The following AKAP9 variants were observed in gnomAD, a reference collection of about 807,000 sequenced individuals.
AKAP9 encodes the protein A-kinase anchor protein 9.
AKAP9 carries 311 observed loss-of-function variants against 488.5 expected under a neutral mutation model. The ratio of observed to expected loss-of-function variants is 0.64; its 90% CI spans 0.58 to 0.70. AKAP9 has a LOEUF of 0.70. Ranked by LOEUF, AKAP9 falls within the 30% of genes least tolerant of loss-of-function variation. The pLI is 0.00. For synonymous variants in AKAP9, 1,462 were observed against 1,483.5 expected, an observed-to-expected ratio of 0.99 and a Z score of 0.33; for missense variants, 4,215 against 4,374.5, an observed-to-expected ratio of 0.96 and a Z score of 1.03.
intron 3 of AKAP9, among the ~76,000 whole-genome samples, chr7:91,987,024 A>G (rs1797184389): frequency 6.6e-6 from 1 of 152,128 alleles, no homozygotes; most frequent in Non-Finnish European, 1.5e-5. Context: ...ATATCTTGTG[A>G]TGATACAGTT....
intron 14 of AKAP9, among the ~76,000 whole-genome samples, chr7:92,025,671 A>T (rs1296733073): frequency 6.6e-6 from 1 of 152,166 alleles, no homozygotes; most frequent in Non-Finnish European, 1.5e-5. Context: ...TCTGCATTTG[A>T]CCCTGATTTG....
intron 8 of AKAP9, among the ~76,000 whole-genome samples, chr7:92,003,689 T>C (rs1291656917): frequency 6.6e-6 from 1 of 152,114 alleles, no homozygotes; most frequent in Non-Finnish European, 1.5e-5. Context: ...TAGGTGGTTA[T>C]GAAATTATAT....
intron 29 of AKAP9, among the ~76,000 whole-genome samples, chr7:92,077,235 G>A (rs1423004374): frequency 6.6e-6 from 1 of 151,370 alleles, no homozygotes; most frequent in Non-Finnish European, 1.5e-5. Flanking sequence ...TGGGACTATA[G>A]GCACGTACCA....
At chr7:91,972,719 G>C (rs891858127) in intron 1 of AKAP9, among the ~76,000 whole-genome samples, 1 of 152,192 alleles carries the variant, frequency 6.6e-6, no homozygotes, top group Admixed American at 6.5e-5. Context: ...AGCAATTGCA[G>C]TTTTTGTACC....
chr7:92,030,602 A>C (rs1450711458), intron 15 of AKAP9, among the ~76,000 whole-genome samples: 1 of 148,468 alleles, frequency 6.7e-6, no homozygotes, highest in African/African-American at 2.5e-5. Context: ...CGATTGCACC[A>C]CTGCACTCCA....
At chr7:92,019,870 TG>T (rs1802077947) in intron 12 of AKAP9, among the ~76,000 whole-genome samples, 1 of 151,604 alleles carries the variant, frequency 6.6e-6, no homozygotes, top group Non-Finnish European at 1.5e-5. Flanking sequence ...AAAAATTAGC[TG>T]GGTGTGGTGA....
rs578172304 is a variant in AKAP9, at chr7:91,983,767, G to A, written c.351+3434G>A. Among the ~76,000 whole-genome samples the A allele has an allele frequency of 7.1e-4, 108 of 152,300 alleles. No individual in the cohort carries two copies. The Middle Eastern group carries it at 0.014, about 19-fold the overall frequency. Reference sequence around the variant, plus strand: ...ACACTCCCACAAACAGTGTAAAACCGTTCTTATTTCTCCACATCCTCTCCA... The same window carrying A: ...ACACTCCCACAAACAGTGTAAAACCATTCTTATTTCTCCACATCCTCTCCA... On this transcript the variant is annotated intron_variant, in intron 3 of 49. Transcript: ENST00000356239.
intron 10 of AKAP9, 74 bp from the exon 11 acceptor site, chr7:92,016,055 A>T (rs1584130661): frequency 7.7e-7 from 1 of 1,290,696 alleles, no homozygotes; most frequent in African/African-American, 1.5e-5. Context: ...TGCATCTAGG[A>T]GAATTATGTT....
intron 24 of AKAP9, chr7:92,063,611 G>A (rs1810271418): frequency 2.4e-6 from 1 of 421,850 alleles, no homozygotes; most frequent in South Asian, 9.8e-5. Flanking sequence ...CAGTGTTGCT[G>A]TTGTTCCATA....
At chr7:91,964,912 T>A (rs1794235212) in intron 1 of AKAP9, among the ~76,000 whole-genome samples, 1 of 152,182 alleles carries the variant, frequency 6.6e-6, no homozygotes, top group African/African-American at 2.4e-5. Flanking sequence ...AAATTTTTAT[T>A]GTTATGTAAT....
chr7:92,081,573 C>T (rs577042621), intron 31 of AKAP9, among the ~76,000 whole-genome samples: 1 of 149,884 alleles, frequency 6.7e-6, no homozygotes, highest in Non-Finnish European at 1.5e-5. Context: ...TCAAGTGATC[C>T]GCCTGCCTTG....
intron 40 of AKAP9, 77 bp from the exon 41 acceptor site, chr7:92,096,612 C>G (rs1816621545): frequency 6.4e-7 from 1 of 1,563,320 alleles, no homozygotes; most frequent in Non-Finnish European, 8.7e-7. Flanking sequence ...GCTGGGATTA[C>G]AGGCGTGAGC....
At chr7:91,999,128 T>G (rs1584024399) in intron 7 of AKAP9, among the ~76,000 whole-genome samples, 2 of 152,214 alleles carry the variant, frequency 1.3e-5, no homozygotes, top group East Asian at 3.8e-4. Flanking sequence ...AATCTGGCCT[T>G]CGACTTGTAG....
At chr7:91,971,480 A>T (rs1795063423) in intron 1 of AKAP9, among the ~76,000 whole-genome samples, 1 of 150,196 alleles carries the variant, frequency 6.7e-6, no homozygotes, top group Non-Finnish European at 1.5e-5. Context: ...TCACTGATTC[A>T]CTGGTTCTTT....
chr7:92,058,104 A>G (rs968767733), intron 22 of AKAP9: 2 of 523,688 alleles, frequency 3.8e-6, no homozygotes, highest in African/African-American at 3.9e-5. Flanking sequence ...AACTAAAAAG[A>G]ACTTTTTAAT....
chr7:91,967,971 C>T (rs1336147169), intron 1 of AKAP9, among the ~76,000 whole-genome samples: 9 of 152,020 alleles, frequency 5.9e-5, no homozygotes, highest in Non-Finnish European at 8.8e-5. Context: ...GATTGGGTCT[C>T]CTGTTGCCTA....
intron 7 of AKAP9, among the ~76,000 whole-genome samples, chr7:91,997,681 T>A (rs1162511182): frequency 6.6e-6 from 1 of 152,208 alleles, no homozygotes; most frequent in Non-Finnish European, 1.5e-5. Flanking sequence ...AGTGGGAGGA[T>A]AATCTAGGAC....
intron 20 of AKAP9, chr7:92,043,472 G>A (rs964119069): frequency 5.2e-6 from 2 of 383,020 alleles, no homozygotes; most frequent in Non-Finnish European, 7.1e-6. Context: ...AAACTATGCA[G>A]TATTTAATTT....
Position 92,012,423 on chromosome 7 carries a change from T to C in AKAP9, c.3319-6T>C. 6.2e-7 allele frequency: 1 copy of C among 1,610,092 alleles called. No individual in the cohort carries two copies. ...TATTATAATGTTTACATATGTTTAC[T>C]TTAAGAATGATTTAAGGCTACAGAT... On this transcript the variant is annotated splice_polypyrimidine_tract_variant and splice_region_variant and intron_variant, in intron 8 of 49. Transcript: ENST00000356239.
Sources: gnomAD v4.1 joint callset for allele counts (sites outside exome capture counted in the v4.1 genomes callset) on GRCh38, gnomAD v4.1.1 for gene constraint, MANE v1.5 for transcripts, NCBI Gene and HGNC (gene_info 2026-07-23, HGNC 2026-07-21) for gene names.